Variants in HNRNPH1 observed in about 807,000 individuals in gnomAD.
HNRNPH1 encodes heterogeneous nuclear ribonucleoprotein H.
Under a neutral mutation model 58.6 loss-of-function variants are expected in HNRNPH1, and 4 were observed. The observed-to-expected ratio is 0.07, with a 90% CI of 0.03 to 0.16. The LOEUF is 0.16. Ranked by LOEUF, HNRNPH1 falls within the 10% of genes least tolerant of loss-of-function variation. HNRNPH1 has a pLI of 1.00. For missense variants in HNRNPH1, 271 were observed against 564.2 expected, an observed-to-expected ratio of 0.48 and a Z score of 5.26; for synonymous variants, 192 against 189.2, an observed-to-expected ratio of 1.01 and a Z score of -0.12.
At chr5:179,626,274 T>C (rs1774386524), upstream of HNRNPH1, among the ~76,000 whole-genome samples, 1 of 151,934 alleles carries the variant, frequency 6.6e-6, no homozygotes, top group Admixed American at 6.6e-5. Flanking sequence ...GGCTACTTTT[T>C]TTTAAGTTTT....
Position 179,632,753 on chromosome 5 carries a change from C to CATTTTT in HNRNPH1, c.-32+1311_-32+1312insAAAAAT, listed in dbSNP as rs1554137222. Among the ~76,000 whole-genome samples the CATTTTT allele has an allele frequency of 3.8e-4, 35 of 92,006 alleles. 1 individual carries two copies. The highest frequency in any genetic ancestry group is 8.2e-3 in the Middle Eastern group (1 of 122). 60.4% of individuals were successfully genotyped at this position (92,006 alleles called of 152,430 possible). On this transcript the variant is annotated intron_variant, in intron 2 of 4. Coordinates refer to the HNRNPH1 transcript ENST00000521116. Reference sequence around the variant, plus strand: ...CACTGTCTAAAGCCAAATCAAATATCTTTTTTTTTTTTTTTTTTTTTGAGA... The same window carrying CATTTTT: ...CACTGTCTAAAGCCAAATCAAATATCATTTTTTTTTTTTTTTTTTTTTTTTTTGAGA...
upstream of HNRNPH1, among the ~76,000 whole-genome samples, chr5:179,627,786 G>T (rs909840870): frequency 1.6e-4 from 23 of 146,770 alleles, no homozygotes; most frequent in African/African-American, 5.0e-4. Context: ...GCCGGGCATG[G>T]TGGTGGGCGC....
At chr5:179,622,199 A>T (rs528702358) in intron 1 of HNRNPH1, among the ~76,000 whole-genome samples, 1 of 152,044 alleles carries the variant, frequency 6.6e-6, no homozygotes, top group East Asian at 1.9e-4. Flanking sequence ...TAGATAAGAA[A>T]ACACTCTTCA....
At chr5:179,620,986 A>C (rs1353997849) in exon 3 of HNRNPH1, 5 of 1,614,092 alleles carry the variant, frequency 3.1e-6, no homozygotes, top group Non-Finnish European at 4.2e-6. Flanking sequence ...GACTATTTGG[A>C]CCAGTATGCT....
chr5:179,616,252 C>T (rs577853509), intron 10 of HNRNPH1, 34 bp from the exon 12 acceptor site: 3 of 1,540,474 alleles, frequency 1.9e-6, no homozygotes, highest in South Asian at 1.1e-5. Context: ...AACCTTTTTT[C>T]TTATGTGATG....
intron 10 of HNRNPH1, 21 bp from the exon 12 acceptor site, chr5:179,616,239 T>A: frequency 6.3e-7 from 1 of 1,590,758 alleles, no homozygotes; most frequent in Non-Finnish European, 8.6e-7. Flanking sequence ...AAGAAAACAT[T>A]AGAACCTTTT....
rs1769777478 is a variant in HNRNPH1, at chr5:179,616,526, C to G, written c.1208-308G>C. ...CTTGACTGGATTTAGTGGGTTCCCC[C>G]TCAGTTTGATACATCAAAGGCATGT... On this transcript the variant is annotated intron_variant, in intron 10 of 12. Transcript: ENST00000356731. The G allele has an allele frequency of 5.2e-5, 27 of 514,816 alleles. No homozygotes were observed. The South Asian group carries it at 6.2e-4, about 12-fold the overall frequency. 31.9% of individuals were successfully genotyped at this position (514,816 alleles called of 1,614,324 possible).
upstream of HNRNPH1, among the ~76,000 whole-genome samples, chr5:179,627,724 A>T (rs1465822563): frequency 1.3e-5 from 2 of 151,670 alleles, no homozygotes; most frequent in South Asian, 4.2e-4. Context: ...GGAGTTTCAG[A>T]CATGTTGGCC....
rs779671967 is a variant in HNRNPH1 at position 179,617,976 on chromosome 5, A to T, written c.787+13T>A. On this transcript the variant is annotated intron_variant, in intron 6 of 12. Transcript: ENST00000356731. ...AAGCATCCTTCAACTGAGAAATTCAATTCTTACCTTACCTCTTCCAAATCT... is the reference window on the plus strand; with the variant it reads ...AAGCATCCTTCAACTGAGAAATTCATTTCTTACCTTACCTCTTCCAAATCT... 1.9e-6 allele frequency: 3 copies of T among 1,614,018 alleles called. No homozygotes were observed. The African/African-American group carries it at 4.0e-5, about 22-fold the overall frequency.
At chr5:179,615,802 T>A in intron 11 of HNRNPH1, 1 of 518,852 alleles carries the variant, frequency 1.9e-6, no homozygotes, top group Non-Finnish European at 3.4e-6. Flanking sequence ...ACAACTTTAT[T>A]TAATGTTTTA....
At chr5:179,619,186 T>C in intron 4 of HNRNPH1, 83 bp downstream of exon 5, 1 of 1,230,016 alleles carries the variant, frequency 8.1e-7, no homozygotes, top group Non-Finnish European at 1.1e-6. Flanking sequence ...AAAACATTAA[T>C]TTCTTCTTTT....
chr5:179,614,867 T>G (rs1214572724), exon 13 of HNRNPH1: 1 of 1,541,264 alleles, frequency 6.5e-7, no homozygotes, highest in Admixed American at 2.0e-5. Flanking sequence ...CCACTCATAC[T>G]GGACATGCTA....
intron 2 of HNRNPH1, among the ~76,000 whole-genome samples, chr5:179,632,176 C>T (rs962722733): frequency 2.6e-5 from 4 of 152,028 alleles, no homozygotes; most frequent in African/African-American, 7.2e-5. Flanking sequence ...GGCGTGGTGG[C>T]GGGTGCCTGT....
At chr5:179,622,581 C>T (rs541936680) in intron 1 of HNRNPH1, among the ~76,000 whole-genome samples, 2 of 152,162 alleles carry the variant, frequency 1.3e-5, no homozygotes, top group Non-Finnish European at 2.9e-5. Flanking sequence ...CGTGGCGGTG[C>T]GCGCCTCTAG....
chr5:179,632,350 G>T (rs1442985879), intron 2 of HNRNPH1, among the ~76,000 whole-genome samples: 1 of 152,114 alleles, frequency 6.6e-6, no homozygotes, highest in Non-Finnish European at 1.5e-5. Context: ...CTCGGTTAGA[G>T]CCCGGGTATG....
At chr5:179,630,634 T>C (rs1774752428) in intron 2 of HNRNPH1, among the ~76,000 whole-genome samples, 1 of 151,602 alleles carries the variant, frequency 6.6e-6, no homozygotes, top group East Asian at 2.0e-4. Context: ...CATTTCGGCC[T>C]GACGCGGGGG....
At chr5:179,622,643 G>A (rs928196543) in intron 1 of HNRNPH1, among the ~76,000 whole-genome samples, 4 of 152,196 alleles carry the variant, frequency 2.6e-5, no homozygotes, top group African/African-American at 9.6e-5. Context: ...CCCAGGAGGC[G>A]GAGGTTGCAG....
chr5:179,633,479 T>C (rs1775016284), intron 2 of HNRNPH1, among the ~76,000 whole-genome samples: 1 of 141,472 alleles, frequency 7.1e-6, no homozygotes, highest in Admixed American at 7.0e-5. Flanking sequence ...TTTTTTTTTT[T>C]TTTTTTGTAT....
chr5:179,621,439 A>C, intron 1 of HNRNPH1, 42 bp from the exon 3 acceptor site: 1 of 1,572,876 alleles, frequency 6.4e-7, no homozygotes, highest in Non-Finnish European at 8.7e-7. Flanking sequence ...TAAAACCTAA[A>C]ACCACCTCTG....
Sources: allele counts gnomAD v4.1 joint callset (sites outside exome capture counted in the v4.1 genomes callset), GRCh38; gene constraint gnomAD v4.1.1; transcripts MANE v1.5; gene names NCBI Gene and HGNC (gene_info 2026-07-23, HGNC 2026-07-21).